The following DAB1 variants were observed in gnomAD, a reference collection of about 807,000 sequenced individuals.
DAB1 encodes the protein DAB adaptor protein 1.
DAB1 carries 15 observed loss-of-function variants against 64.6 expected under a neutral mutation model. That is an observed-to-expected ratio of 0.23 (90% CI 0.16 to 0.36). The LOEUF is 0.36. Ranked by LOEUF, DAB1 falls within the 10% of genes least tolerant of loss-of-function variation. The probability of loss-of-function intolerance (pLI) is 1.00; values close to 1 mark genes in which losing one functional copy is unlikely to be tolerated. For missense variants in DAB1, 596 were observed against 706.7 expected (o/e 0.84, Z 1.78); for synonymous variants, 235 against 251.9 (o/e 0.93, Z 0.64).
At chr1:58,144,024 G>A (rs538810905) in intron 5 of DAB1, among the ~76,000 whole-genome samples, 1 of 152,312 alleles carries the variant, frequency 6.6e-6, no homozygotes, top group Non-Finnish European at 1.5e-5. Context: ...AGGAGGGTCA[G>A]TACATTTTAA....
chr1:57,934,789 A>T (rs1645002945), intron 5 of DAB1, among the ~76,000 whole-genome samples: 1 of 152,164 alleles, frequency 6.6e-6, no homozygotes, highest in African/African-American at 2.4e-5. Flanking sequence ...GACAGTAGAC[A>T]TTGTGCCATG....
chr1:58,413,065 C>T (rs1444228428), intron 3 of DAB1, among the ~76,000 whole-genome samples: 2 of 152,178 alleles, frequency 1.3e-5, no homozygotes, highest in Non-Finnish European at 2.9e-5. Flanking sequence ...TGGCGATCGT[C>T]CCTGGACATC....
chr1:58,198,182 A>G (rs1657795493), intron 4 of DAB1, among the ~76,000 whole-genome samples: 1 of 152,236 alleles, frequency 6.6e-6, no homozygotes, highest in Admixed American at 6.5e-5. Flanking sequence ...TCCCAGCATC[A>G]TAGCAGCATA....
chr1:58,229,558 A>G (rs1659677874), intron 4 of DAB1, among the ~76,000 whole-genome samples: 1 of 152,126 alleles, frequency 6.6e-6, no homozygotes, highest in Admixed American at 6.6e-5. Context: ...AATACAGGGC[A>G]TCTCAATCAA....
At chr1:58,372,054 T>G (rs1054375314) in intron 3 of DAB1, among the ~76,000 whole-genome samples, 1 of 152,168 alleles carries the variant, frequency 6.6e-6, no homozygotes, top group African/African-American at 2.4e-5. Context: ...CTAGTGGAGC[T>G]GTAAGAAGAA....
At chr1:57,535,892 T>C (rs1029906259) in intron 7 of DAB1, among the ~76,000 whole-genome samples, 1 of 152,144 alleles carries the variant, frequency 6.6e-6, no homozygotes, top group African/African-American at 2.4e-5. Flanking sequence ...ATCCAAAAGA[T>C]AAAACTGATG....
intron 1 of DAB1, among the ~76,000 whole-genome samples, chr1:57,387,634 C>T (rs953681329): frequency 6.6e-6 from 1 of 151,902 alleles, no homozygotes; most frequent in African/African-American, 2.4e-5. Flanking sequence ...GTAGCTTGAC[C>T]GATGTGGTGA....
At chr1:57,130,611 T>C (rs996707048) in intron 4 of DAB1, among the ~76,000 whole-genome samples, 2 of 151,954 alleles carry the variant, frequency 1.3e-5, no homozygotes, top group African/African-American at 4.8e-5. Flanking sequence ...TTGGAGAACA[T>C]GGACGAGCCT....
intron 7 of DAB1, among the ~76,000 whole-genome samples, chr1:57,473,104 A>T (rs545392789): frequency 2.6e-5 from 4 of 152,196 alleles, no homozygotes; most frequent in Non-Finnish European, 5.9e-5. Flanking sequence ...AGTCATCACC[A>T]TGATTGTATG....
chr1:57,536,231 TGGTCTCTGAACTTGA>T (rs1182994661), intron 7 of DAB1, among the ~76,000 whole-genome samples: 1 of 152,216 alleles, frequency 6.6e-6, no homozygotes, highest in Non-Finnish European at 1.5e-5. Context: ...TTGGAACAGT[TGGTCTCTGAACTTGA>T]TGTCAAGCCA....
chr1:57,648,134 T>C (rs1646215225), intron 7 of DAB1, among the ~76,000 whole-genome samples: 1 of 152,166 alleles, frequency 6.6e-6, no homozygotes, highest in South Asian at 2.1e-4. Flanking sequence ...GCTTTGTGGA[T>C]GGAAAGGCAA....
At chr1:57,093,875 A>G (rs1397033885) in intron 4 of DAB1, among the ~76,000 whole-genome samples, 1 of 152,126 alleles carries the variant, frequency 6.6e-6, no homozygotes, top group Non-Finnish European at 1.5e-5. Context: ...GCACTTTGGG[A>G]GGCCGAGGTG....
intron 5 of DAB1, among the ~76,000 whole-genome samples, chr1:57,937,580 G>T (rs1226450015): frequency 1.3e-5 from 2 of 152,124 alleles, no homozygotes; most frequent in Non-Finnish European, 2.9e-5. Context: ...GAAGTGGTCT[G>T]GAGACAGTCT....
intron 6 of DAB1, among the ~76,000 whole-genome samples, chr1:57,796,285 T>C (rs1315463145): frequency 6.6e-6 from 1 of 152,034 alleles, no homozygotes; most frequent in African/African-American, 2.4e-5. Flanking sequence ...ACAAGCACTT[T>C]GGGAGGCCGA....
chr1:57,709,817 T>C (rs1570758021), intron 6 of DAB1, among the ~76,000 whole-genome samples: 1 of 152,128 alleles, frequency 6.6e-6, no homozygotes, highest in Non-Finnish European at 1.5e-5. Flanking sequence ...TGGAGCTATG[T>C]TGCTTGTTCC....
At chr1:57,404,232 G>T (rs1352653751) in intron 1 of DAB1, among the ~76,000 whole-genome samples, 1 of 152,170 alleles carries the variant, frequency 6.6e-6, no homozygotes, top group African/African-American at 2.4e-5. Context: ...GGAATAATGA[G>T]AGTTTTTAAT....
At chr1:57,461,618 G>T (rs530515673) in intron 7 of DAB1, among the ~76,000 whole-genome samples, 1 of 152,180 alleles carries the variant, frequency 6.6e-6, no homozygotes, top group African/African-American at 2.4e-5. Context: ...GTTTGCCCAG[G>T]CTGCGCCCTC....
rs368953995 is a variant in DAB1, at chr1:57,999,393, C to T, written n.388-115231G>A. On this transcript the variant is annotated intron_variant and non_coding_transcript_variant, in intron 5 of 20. Coordinates refer to the DAB1 transcript ENST00000485760. ...CATTCCAAATCGATTGCCTCAAAAT[C>T]TCCAGGGGTAGGATCAGCACTTTGT... Among the ~76,000 whole-genome samples, 23 of 152,310 alleles carry T rather than the reference C, an allele frequency of 1.5e-4. No individual in the cohort carries two copies. In the South Asian group the frequency reaches 4.6e-3, roughly 30 times the overall value.
intron 4 of DAB1, among the ~76,000 whole-genome samples, chr1:58,204,746 C>G (rs958261947): frequency 1.3e-5 from 2 of 152,320 alleles, no homozygotes; most frequent in East Asian, 3.9e-4. Flanking sequence ...GCTGTATGTG[C>G]AGGCCAATGC....
Sources: allele counts gnomAD v4.1 joint callset (sites outside exome capture counted in the v4.1 genomes callset), GRCh38; gene constraint gnomAD v4.1.1; transcripts MANE v1.5; gene names NCBI Gene and HGNC (gene_info 2026-07-23, HGNC 2026-07-21).